Variants in MEAK7 observed in about 807,000 individuals in gnomAD.
The protein encoded by MEAK7 is MTOR-associated protein MEAK7.
Under a neutral mutation model 40.5 loss-of-function variants are expected in MEAK7, and 68 were observed. The observed-to-expected ratio is 1.68, with a 90% confidence interval of 1.38 to 2.06. MEAK7 has a LOEUF of 2.06. MEAK7 is among the 30% of genes most tolerant of loss of function. The pLI is 0.00. For synonymous variants in MEAK7, 338 were observed against 231.9 expected (o/e 1.46, Z -4.16); for missense variants, 918 against 580.5 (o/e 1.58, Z -5.98).
intron 4 of MEAK7, among the ~76,000 whole-genome samples, chr16:84,488,606 T>C (rs549531086): frequency 6.6e-6 from 1 of 152,176 alleles, no homozygotes; most frequent in Non-Finnish European, 1.5e-5. Context: ...CTAAACATAA[T>C]GAAATATAAT....
At chr16:84,495,634 G>C (rs1370912747) in intron 3 of MEAK7, 49 bp downstream of exon 3, 1 of 1,583,136 alleles carries the variant, frequency 6.3e-7, no homozygotes, top group African/African-American at 1.3e-5. Context: ...CCCACCGATG[G>C]TCACCAAGAC....
chr16:84,499,213 A>C (rs1055916880), intron 1 of MEAK7, among the ~76,000 whole-genome samples: 1 of 152,212 alleles, frequency 6.6e-6, no homozygotes, highest in African/African-American at 2.4e-5. Flanking sequence ...ATTCAAACAA[A>C]AAAGCATGGT....
intron 1 of MEAK7, among the ~76,000 whole-genome samples, chr16:84,502,272 G>A (rs1914565695): frequency 6.6e-6 from 1 of 152,204 alleles, no homozygotes; most frequent in Non-Finnish European, 1.5e-5. Flanking sequence ...GGAAAAGTGT[G>A]TGGTTGCCAC....
intron 5 of MEAK7, among the ~76,000 whole-genome samples, chr16:84,483,567 A>G (rs1479570141): frequency 6.6e-6 from 1 of 152,254 alleles, no homozygotes; most frequent in Non-Finnish European, 1.5e-5. Flanking sequence ...TGGGGGCACC[A>G]TGATGGAACG....
At chr16:84,497,853 GA>G in intron 2 of MEAK7, 80 bp downstream of exon 2, 1 of 1,585,914 alleles carries the variant, frequency 6.3e-7, no homozygotes, top group Non-Finnish European at 8.6e-7. Context: ...ACAAAAACAC[GA>G]AAGCAGATTC....
At chr16:84,481,866 G>A (rs796083023) in intron 6 of MEAK7, among the ~76,000 whole-genome samples, 11 of 152,210 alleles carry the variant, frequency 7.2e-5, no homozygotes, top group South Asian at 6.2e-4. Flanking sequence ...CCTGGGAGGC[G>A]GAGCTTGCAG....
Position 84,489,317 on chromosome 16 carries a change from C to T in MEAK7, c.490G>A (p.Val164Met). 7 of 1,614,208 alleles carry T rather than the reference C, an allele frequency of 4.3e-6. No individual in the cohort carries two copies. The highest frequency in any genetic ancestry group is 5.9e-6 in the Non-Finnish European group (7 of 1,180,026). The change falls in exon 4 of 8, where the codon GTG (valine) becomes ATG (methionine). Residue 164 changes from valine to methionine, a missense_variant. Transcript: ENST00000343629. ...EAPGPNPRVQ[V>M]LAAQLLSDMK... ...TCAGAGAGCAGCTGAGCAGCCAGCA[C>T]CTGCACCCGGGGGTTGGGCCCTGGG...
chr16:84,497,877 C>A (rs1372545786), intron 2 of MEAK7, 57 bp downstream of exon 2: 1 of 1,605,906 alleles, frequency 6.2e-7, no homozygotes, highest in Non-Finnish European at 8.5e-7. Flanking sequence ...GCCTGAAAGC[C>A]ACAGTTTGCA....
At chr16:84,482,340 G>A (rs537758564) in intron 6 of MEAK7, among the ~76,000 whole-genome samples, 1 of 152,216 alleles carries the variant, frequency 6.6e-6, no homozygotes, top group African/African-American at 2.4e-5. Flanking sequence ...CAGAAAAATG[G>A]GCCAAGTGTG....
Position 84,498,994 on chromosome 16 carries a change from G to A in MEAK7, c.-25-883C>T, listed in dbSNP as rs548579867. Among the ~76,000 whole-genome samples the A allele has an allele frequency of 4.5e-4, 68 of 152,260 alleles. 2 individuals are homozygous for A. The East Asian group carries it at 9.1e-3, about 20-fold the overall frequency. On this transcript the variant is annotated intron_variant, in intron 1 of 7. Transcript: ENST00000343629. ...AGTCACAGCCCAGCCTCAGAAGATT[G>A]CCGTGATTATCAACCAAGTCAACCA...
rs1243631768 is a variant in MEAK7 at position 84,477,800 on chromosome 16, T to G, written c.*2113A>C. ...TGCACACGCCCTAAAAAGGTTTGAG[T>G]GTCCAGAGGCAGAACCGTGCACCAA... On this transcript the variant is annotated 3_prime_UTR_variant, in exon 8 of 8. Coordinates refer to ENST00000343629, the MANE Select transcript of MEAK7 (RefSeq NM_020947.4). The G allele has an allele frequency of 6.6e-6, 1 of 152,034 alleles. No homozygotes were observed. The highest frequency in any genetic ancestry group is 2.4e-5 in the African/African-American group (1 of 41,370). 9.4% of individuals were successfully genotyped at this position (152,034 alleles called of 1,614,324 possible).
chr16:84,495,953 C>A (rs776203243), intron 2 of MEAK7, 40 bp from the exon 3 acceptor site: 6 of 1,602,496 alleles, frequency 3.7e-6, no homozygotes, highest in Non-Finnish European at 5.1e-6. Flanking sequence ...AGACAGTGCA[C>A]AAGTTGAACT....
chr16:84,489,056 G>T (rs995645861), intron 4 of MEAK7, among the ~76,000 whole-genome samples: 1 of 152,224 alleles, frequency 6.6e-6, no homozygotes, highest in African/African-American at 2.4e-5. Flanking sequence ...AAAGGGACAA[G>T]AGACAAATTA....
chr16:84,501,690 C>T (rs879554867), intron 1 of MEAK7, among the ~76,000 whole-genome samples: 8 of 152,048 alleles, frequency 5.3e-5, no homozygotes, highest in Non-Finnish European at 1.0e-4. Flanking sequence ...AGTAGGAACC[C>T]CAGGGCTGGT....
At chr16:84,482,796 GGAA>G in intron 5 of MEAK7, 86 bp from the exon 6 acceptor site, 2 of 1,562,196 alleles carry the variant, frequency 1.3e-6, no homozygotes, top group Non-Finnish European at 1.7e-6. Context: ...CTGCAGCTCA[GGAA>G]GCAACAGGGC....
At chr16:84,496,067 G>C (rs984653887) in intron 2 of MEAK7, among the ~76,000 whole-genome samples, 154 bp from the exon 3 acceptor site, 2 of 152,120 alleles carry the variant, frequency 1.3e-5, no homozygotes, top group African/African-American at 4.8e-5. Flanking sequence ...GTAAAGCCCC[G>C]TCTCTTAGAG....
At chr16:84,504,481 T>G (rs562022524) in intron 1 of MEAK7, 120 bp downstream of exon 1, 3 of 572,738 alleles carry the variant, frequency 5.2e-6, no homozygotes, top group South Asian at 1.6e-4. Flanking sequence ...TGAAGAGGCG[T>G]GGGAGGCCAG....
chr16:84,483,018 C>A (rs1019470233), intron 5 of MEAK7, among the ~76,000 whole-genome samples: 1 of 152,198 alleles, frequency 6.6e-6, no homozygotes, highest in African/African-American at 2.4e-5. Flanking sequence ...CACATCCGAG[C>A]CAGAAAGAGC....
chr16:84,503,619 G>A (rs1437836047), intron 1 of MEAK7, among the ~76,000 whole-genome samples: 1 of 152,130 alleles, frequency 6.6e-6, no homozygotes, highest in Non-Finnish European at 1.5e-5. Flanking sequence ...AGGTAACCCA[G>A]GGCATTTGAT....
Sources: allele counts gnomAD v4.1 joint callset (sites outside exome capture counted in the v4.1 genomes callset), GRCh38; gene constraint gnomAD v4.1.1; transcripts MANE v1.5; gene names NCBI Gene and HGNC (gene_info 2026-07-23, HGNC 2026-07-21).